ZNF804A: variants seen among roughly 807,000 people sequenced by gnomAD.
The protein encoded by ZNF804A is zinc finger protein 804A.
A neutral mutation model predicts 16.5 loss-of-function variants in ZNF804A; 2 were observed. That is an observed-to-expected ratio of 0.12 (90% CI 0.05 to 0.38). The LOEUF (loss-of-function observed/expected upper bound fraction) is 0.38. Among genes scored for constraint, ZNF804A ranks in the 10% least tolerant of loss-of-function variants. The pLI is 0.99. For missense variants in ZNF804A, 1,473 were observed against 1,390.7 expected, an observed-to-expected ratio of 1.06 and a Z score of -0.94; for synonymous variants, 534 against 489.6, an observed-to-expected ratio of 1.09 and a Z score of -1.20.
intron 2 of ZNF804A, among the ~76,000 whole-genome samples, chr2:184,918,601 T>C (rs188580180): frequency 1.0e-3 from 152 of 152,280 alleles, no homozygotes; most frequent in Non-Finnish European, 1.8e-3. Flanking sequence ...AATTTTCTTT[T>C]TTGGGGTGGA....
At chr2:184,660,385 C>T (rs1438122066) in intron 1 of ZNF804A, among the ~76,000 whole-genome samples, 2 of 152,148 alleles carry the variant, frequency 1.3e-5, no homozygotes, top group African/African-American at 4.8e-5. Context: ...TGTCCTTAAT[C>T]AACTGAAAGT....
chr2:184,652,583 TA>T (rs1437650876), intron 1 of ZNF804A, among the ~76,000 whole-genome samples: 1 of 152,158 alleles, frequency 6.6e-6, no homozygotes, highest in Non-Finnish European at 1.5e-5. Context: ...GCAGTTAAAA[TA>T]AAAACCTAAG....
At chr2:184,733,058 T>C (rs1158124265) in intron 1 of ZNF804A, among the ~76,000 whole-genome samples, 10 of 152,142 alleles carry the variant, frequency 6.6e-5, no homozygotes, top group Non-Finnish European at 1.5e-5. Flanking sequence ...ACTTCCAATA[T>C]GATATAGAAA....
chr2:184,790,535 A>C (rs1694522233), intron 1 of ZNF804A, among the ~76,000 whole-genome samples: 1 of 152,026 alleles, frequency 6.6e-6, no homozygotes, highest in African/African-American at 2.4e-5. Context: ...TGGTGTATGC[A>C]TATATGTTTA....
chr2:184,694,851 T>C (rs1402275640), intron 1 of ZNF804A, among the ~76,000 whole-genome samples: 1 of 152,206 alleles, frequency 6.6e-6, no homozygotes, highest in African/African-American at 2.4e-5. Context: ...CAGAAGGAGC[T>C]AGGCAAAGGT....
At chr2:184,918,220 G>T (rs1685480503) in intron 2 of ZNF804A, among the ~76,000 whole-genome samples, 1 of 152,086 alleles carries the variant, frequency 6.6e-6, no homozygotes, top group South Asian at 2.1e-4. Flanking sequence ...TCCTTTGCCT[G>T]TTGATTCAGA....
At chr2:184,614,963 T>C (rs1559108652) in intron 1 of ZNF804A, among the ~76,000 whole-genome samples, 1 of 152,202 alleles carries the variant, frequency 6.6e-6, no homozygotes. Flanking sequence ...TCAACTATTG[T>C]GAAAGACAGT....
intron 1 of ZNF804A, among the ~76,000 whole-genome samples, chr2:184,708,809 A>G (rs537768273): frequency 9.2e-5 from 14 of 152,154 alleles, no homozygotes; most frequent in South Asian, 4.2e-4. Flanking sequence ...ATATGTAACC[A>G]CCTCAGGCTT....
intron 1 of ZNF804A, among the ~76,000 whole-genome samples, chr2:184,814,587 A>G (rs955439112): frequency 1.3e-5 from 2 of 152,082 alleles, no homozygotes; most frequent in African/African-American, 4.8e-5. Flanking sequence ...TGTCATGGAA[A>G]GGTCATTGAG....
chr2:184,666,455 A>T (rs1692257176), intron 1 of ZNF804A, among the ~76,000 whole-genome samples: 2 of 152,242 alleles, frequency 1.3e-5, no homozygotes, highest in South Asian at 4.1e-4. Flanking sequence ...CAAATACAGT[A>T]GGAATAACAT....
Position 184,936,812 on chromosome 2 carries a change from T to G in ZNF804A, c.1416T>G (p.Asn472Lys), listed in dbSNP as rs879226392. ...TCAAGTCTACTAAAGTAAATAATAA[T>G]CTAGATAAAAATAAGCCAGACTTAA... ...FDFKSTKVNN[N>K]LDKNKPDLKD... Residue 472 changes from asparagine to lysine, a missense_variant, in exon 4 of 4, where the codon AAT (asparagine) becomes AAG (lysine). Coordinates refer to ENST00000302277, the MANE Select transcript of ZNF804A (RefSeq NM_194250.2). The G allele has an allele frequency of 6.2e-7, 1 of 1,613,162 alleles. No homozygotes were observed. The highest frequency in any genetic ancestry group is 8.5e-7 in the Non-Finnish European group (1 of 1,179,662).
At chr2:184,743,567 C>T (rs911580865) in intron 1 of ZNF804A, among the ~76,000 whole-genome samples, 3 of 151,786 alleles carry the variant, frequency 2.0e-5, no homozygotes, top group Admixed American at 1.3e-4. Flanking sequence ...CAGAAACAAA[C>T]TTTAAAATTC....
chr2:184,776,952 A>G (rs1164016345), intron 1 of ZNF804A, among the ~76,000 whole-genome samples: 15 of 151,720 alleles, frequency 9.9e-5, no homozygotes, highest in Admixed American at 9.9e-4. Context: ...GTTAGCATGT[A>G]AGGCATTTAT....
chr2:184,683,636 G>C (rs1164849445), intron 1 of ZNF804A, among the ~76,000 whole-genome samples: 1 of 152,094 alleles, frequency 6.6e-6, no homozygotes, highest in African/African-American at 2.4e-5. Context: ...AAATGGAAAA[G>C]TGTATATGAA....
Position 184,752,471 on chromosome 2 carries a change from C to T in ZNF804A, c.112-113898C>T, listed in dbSNP as rs948400954. Among the ~76,000 whole-genome samples, 8 of 151,456 alleles carry T rather than the reference C, an allele frequency of 5.3e-5. No homozygotes were observed. The South Asian group carries it at 8.3e-4, about 16-fold the overall frequency. On this transcript the variant is annotated intron_variant, in intron 1 of 3. Transcript: ENST00000302277. ...AGAAGCAAATAATAGACACTGGAGA[C>T]TCCAAAATGTGGGGGATAGGAGGAG...
At chr2:184,751,496 G>A (rs141202980) in intron 1 of ZNF804A, among the ~76,000 whole-genome samples, 67 of 151,376 alleles carry the variant, frequency 4.4e-4, no homozygotes, top group Admixed American at 8.6e-4. Context: ...CATAGGTATC[G>A]AAACTAAAAA....
At chr2:184,889,397 G>T (rs1212493275) in intron 2 of ZNF804A, among the ~76,000 whole-genome samples, 2 of 151,552 alleles carry the variant, frequency 1.3e-5, no homozygotes, top group East Asian at 3.9e-4. Flanking sequence ...ACACATGTCA[G>T]AACTTCTATA....
intron 1 of ZNF804A, among the ~76,000 whole-genome samples, chr2:184,858,942 T>G (rs1477037444): frequency 6.6e-6 from 1 of 152,192 alleles, no homozygotes; most frequent in African/African-American, 2.4e-5. Flanking sequence ...TATTCTTAGC[T>G]GATAGTTTTT....
chr2:184,929,114 A>G (rs1685655099), intron 2 of ZNF804A, among the ~76,000 whole-genome samples: 1 of 152,142 alleles, frequency 6.6e-6, no homozygotes, highest in South Asian at 2.1e-4. Flanking sequence ...TCTACCATCT[A>G]GCCTCTCCTC....
Sources: allele counts gnomAD v4.1 joint callset (sites outside exome capture counted in the v4.1 genomes callset), GRCh38; gene constraint gnomAD v4.1.1; transcripts MANE v1.5; gene names NCBI Gene and HGNC (gene_info 2026-07-23, HGNC 2026-07-21).